Variants in ARHGEF11 observed in about 807,000 individuals in gnomAD.
ARHGEF11 encodes Rho guanine exchange factor (GEF) 11.
A neutral mutation model predicts 193.7 loss-of-function variants in ARHGEF11; 55 were observed. The observed-to-expected ratio is 0.28, with a 90% CI of 0.23 to 0.36. The LOEUF is 0.36. ARHGEF11 is among the 10% of genes least tolerant of loss of function. The pLI is 1.00. For missense variants in ARHGEF11, 1,723 were observed against 2,005.6 expected (o/e 0.86, Z 2.69); for synonymous variants, 693 against 768.0 (o/e 0.90, Z 1.62).
At chr1:156,954,653 G>C (rs1169774181) in intron 21 of ARHGEF11, among the ~76,000 whole-genome samples, 1 of 152,238 alleles carries the variant, frequency 6.6e-6, no homozygotes, top group Non-Finnish European at 1.5e-5. Flanking sequence ...CTCTGAGTTA[G>C]GAGACAAGGT....
chr1:156,995,801 C>G (rs939287440), intron 1 of ARHGEF11, among the ~76,000 whole-genome samples: 1 of 151,866 alleles, frequency 6.6e-6, no homozygotes, highest in Non-Finnish European at 1.5e-5. Context: ...CCTCAGCCTC[C>G]CAACGTGCTG....
intron 4 of ARHGEF11, 26 bp from the exon 5 acceptor site, chr1:156,979,312 G>T: frequency 6.4e-7 from 1 of 1,555,916 alleles, no homozygotes; most frequent in Non-Finnish European, 8.8e-7. Context: ...ACAGTATTGA[G>T]TAATGGTAAT....
At chr1:156,989,508 G>A (rs954293202) in intron 1 of ARHGEF11, among the ~76,000 whole-genome samples, 1 of 152,086 alleles carries the variant, frequency 6.6e-6, no homozygotes, top group African/African-American at 2.4e-5. Flanking sequence ...CAATAACTTG[G>A]TATTAAAGGA....
rs2275203 is a variant in ARHGEF11, at chr1:156,955,621, C to A, written c.1768+82G>T. On this transcript the variant is annotated intron_variant, in intron 20 of 40. Transcript: ENST00000368194. ...GTGGCTCCCAGAAACACAGGAAGGC[C>A]CTCTGCCAACATACTGGTACATGAA... 7.8e-4 allele frequency: 863 copies of A among 1,100,492 alleles called. 7 individuals carry two copies. In the East Asian group the frequency reaches 0.016, roughly 20 times the overall value. 68.2% of individuals were successfully genotyped at this position (1,100,492 alleles called of 1,614,324 possible).
Position 156,992,349 on chromosome 1 carries a change from T to A in ARHGEF11, c.33-6176A>T, listed in dbSNP as rs183634423. Among the ~76,000 whole-genome samples, 419 of 152,294 alleles carry A rather than the reference T, an allele frequency of 2.8e-3. 8 individuals carry two copies. Among genetic ancestry groups the A allele is most frequent in the Admixed American group, 0.025 (378 of 15,290 alleles). ...CATTGGCGCACACATTCTCCCCTCC[T>A]CCAAGGCTCCCTGTGGCCTGGTGCG... On this transcript the variant is annotated intron_variant, in intron 1 of 40. Coordinates refer to ENST00000368194, the MANE Select transcript of ARHGEF11 (RefSeq NM_198236.3).
intron 11 of ARHGEF11, among the ~76,000 whole-genome samples, chr1:156,964,388 T>C (rs1037506983): frequency 6.6e-6 from 1 of 152,250 alleles, no homozygotes; most frequent in Admixed American, 6.5e-5. Flanking sequence ...GCTTTTCTAC[T>C]AACTGTATTT....
intron 1 of ARHGEF11, among the ~76,000 whole-genome samples, chr1:157,004,628 C>T (rs967377742): frequency 6.6e-6 from 1 of 152,174 alleles, no homozygotes; most frequent in African/African-American, 2.4e-5. Flanking sequence ...TTCCAGCCCC[C>T]ATTCCATTTC....
At chr1:157,024,186 C>A (rs986804911) in intron 1 of ARHGEF11, among the ~76,000 whole-genome samples, 5 of 152,116 alleles carry the variant, frequency 3.3e-5, no homozygotes, top group Non-Finnish European at 5.9e-5. Context: ...TACAAATGAC[C>A]ACATTTTGTA....
chr1:157,002,805 T>TA (rs1162366005), intron 1 of ARHGEF11, among the ~76,000 whole-genome samples: 6 of 152,210 alleles, frequency 3.9e-5, no homozygotes, highest in Non-Finnish European at 8.8e-5. Flanking sequence ...TTAAAGCACT[T>TA]ACTGAGACAA....
chr1:157,046,265 C>A (rs928847630), upstream of ARHGEF11, among the ~76,000 whole-genome samples: 6 of 151,530 alleles, frequency 4.0e-5, no homozygotes, highest in Non-Finnish European at 8.8e-5. Flanking sequence ...GCCGCCTTTT[C>A]GCCGCTTTTC....
chr1:157,000,591 T>G (rs1339163317), intron 1 of ARHGEF11, among the ~76,000 whole-genome samples: 3 of 152,230 alleles, frequency 2.0e-5, no homozygotes, highest in Non-Finnish European at 4.4e-5. Flanking sequence ...GATTTTAAAT[T>G]AGCTCCCTTT....
intron 2 of ARHGEF11, 77 bp downstream of exon 2, chr1:156,986,005 C>T: frequency 1.6e-6 from 2 of 1,231,572 alleles, no homozygotes; most frequent in Non-Finnish European, 2.4e-6. Context: ...CTCCCATTGG[C>T]CTCCCAAGTA....
At chr1:156,989,959 T>C (rs1275764290) in intron 1 of ARHGEF11, among the ~76,000 whole-genome samples, 1 of 152,224 alleles carries the variant, frequency 6.6e-6, no homozygotes, top group African/African-American at 2.4e-5. Flanking sequence ...GAAATTCTTC[T>C]GTATAACCAC....
Position 156,939,560 on chromosome 1 carries a change from C to T in ARHGEF11, c.4084G>A (p.Val1362Ile), listed in dbSNP as rs550659351. 2.3e-5 allele frequency: 37 copies of T among 1,611,798 alleles called. No homozygotes were observed. In the East Asian group the frequency reaches 6.9e-4, roughly 30 times the overall value. The change falls in exon 37 of 41, where the codon GTT becomes ATT. Residue 1362 changes from valine to isoleucine, a missense_variant. By Grantham distance (29) the Val-to-Ile change is conservative (BLOSUM62 3). Around this residue, in one of 5 missense-constraint regions of ARHGEF11, gnomAD observed 360 missense variants for 344.4 expected, o/e 1.05. Transcript: ENST00000368194. Reference sequence around the variant, plus strand: ...CCATTTATTTTACCTTTTCTCACAACTTTGTAACCTCCTGCTGCCTCTGTG... The same window carrying T: ...CCATTTATTTTACCTTTTCTCACAATTTTGTAACCTCCTGCTGCCTCTGTG... Reference protein sequence around the residue: ...SSTEAAGGYKVVRKAEVAGSK... With the variant: ...SSTEAAGGYKIVRKAEVAGSK...
Position 156,938,457 on chromosome 1 carries a change from GCT to G in ARHGEF11, c.4151_4152del (p.Glu1384AlafsTer5). On this transcript the variant is annotated frameshift_variant, in exon 38 of 41. Transcript: ENST00000368194. LOFTEE classifies it high-confidence loss of function. ...VPALPESGQS[E>X]PGPPEVEGGT... is the part of the protein sequence containing the mutation. Reference sequence around the variant, plus strand: ...CCGCCTTCCACTTCAGGTGGCCCAGGCTCTGACTGGCCACTCTCTGGTAGTGC... The same window carrying G: ...CCGCCTTCCACTTCAGGTGGCCCAGGCTGACTGGCCACTCTCTGGTAGTGC... 6.2e-7 allele frequency: 1 copy of G among 1,613,918 alleles called. No individual in the cohort carries two copies. Among genetic ancestry groups the G allele is most frequent in the Non-Finnish European group, 8.5e-7 (1 of 1,179,898 alleles).
At chr1:157,020,301 T>C (rs1669817733) in intron 1 of ARHGEF11, among the ~76,000 whole-genome samples, 1 of 152,092 alleles carries the variant, frequency 6.6e-6, no homozygotes, top group South Asian at 2.1e-4. Context: ...ACATCAAATA[T>C]ACCTTAATAA....
chr1:157,039,676 C>T (rs1281810060), intron 1 of ARHGEF11, among the ~76,000 whole-genome samples: 6 of 151,990 alleles, frequency 3.9e-5, no homozygotes, highest in South Asian at 2.1e-4. Flanking sequence ...GTTTCCAAGC[C>T]ACGTGATATA....
intron 35 of ARHGEF11, among the ~76,000 whole-genome samples, 196 bp from the exon 36 acceptor site, chr1:156,940,621 T>C (rs1656629509): frequency 6.6e-6 from 1 of 152,196 alleles, no homozygotes; most frequent in Non-Finnish European, 1.5e-5. Context: ...TCCCTGCCTA[T>C]GTTGAGCTTA....
Position 156,946,992 on chromosome 1 carries a change from T to G in ARHGEF11, c.2512A>C (p.Lys838Gln), listed in dbSNP as rs905496300. Reference protein sequence around the residue: ...IHNSWCEAMKKLREEGPIIKE... With the variant: ...IHNSWCEAMKQLREEGPIIKE... ...ATGATGGGGCCTTCCTCCCGGAGCTTCTTCATGGCTTCACACCAGGAATCT... is the reference window on the plus strand; with the variant it reads ...ATGATGGGGCCTTCCTCCCGGAGCTGCTTCATGGCTTCACACCAGGAATCT... Residue 838 changes from lysine to glutamine, a missense_variant, in exon 27 of 41, where the codon AAG becomes CAG. Lys to Gln is a moderately conservative substitution (Grantham distance 53). Transcript: ENST00000368194. 1 of 1,614,162 alleles carries G rather than the reference T, an allele frequency of 6.2e-7. No homozygotes were observed. The highest frequency in any genetic ancestry group is 8.5e-7 in the Non-Finnish European group (1 of 1,180,034).
Sources: allele counts gnomAD v4.1 joint callset (sites outside exome capture counted in the v4.1 genomes callset), GRCh38; gene constraint gnomAD v4.1.1; regional missense constraint gnomAD v4.1.1; transcripts MANE v1.5; gene names NCBI Gene and HGNC (gene_info 2026-07-23, HGNC 2026-07-21).